The following SESN2 variants were observed in gnomAD, a reference collection of about 807,000 sequenced individuals.
SESN2 encodes sestrin 2, also known as sestrin-2.
Under a neutral mutation model 56.0 loss-of-function variants are expected in SESN2, and 42 were observed. That is an observed-to-expected ratio of 0.75 (90% CI 0.59 to 0.97). The LOEUF (loss-of-function observed/expected upper bound fraction) is 0.97. Ranked by LOEUF, SESN2 falls within the 50% of genes least tolerant of loss-of-function variation. The pLI, the probability that SESN2 is intolerant of heterozygous loss-of-function variation, is 0.00. For missense variants in SESN2, 507 were observed against 649.4 expected (o/e 0.78, Z 2.38); for synonymous variants, 264 against 267.1 (o/e 0.99, Z 0.11).
rs1288007496 is a variant in SESN2 at position 28,281,469 on chromosome 1, TTATCTC to T, written c.*670_*675del. 8 of 151,674 alleles carry T rather than the reference TTATCTC, an allele frequency of 5.3e-5. No homozygotes were observed. The highest frequency in any genetic ancestry group is 1.9e-4 in the East Asian group (1 of 5,160). The allele number at this position is 151,674 out of a possible 1,614,324, so 9.4% of individuals were successfully genotyped here. On this transcript the variant is annotated 3_prime_UTR_variant, in exon 10 of 10. Transcript: ENST00000253063. The stretch of plus-strand genomic sequence containing the variant: ...AGTACATAAAAAAAAAAAAAGCAGA[TTATCTC>T]TAGAGAGTTTGAGCCTTTGCTGGTC...
intron 1 of SESN2, among the ~76,000 whole-genome samples, chr1:28,267,129 C>T (rs1414177326): frequency 1.3e-5 from 2 of 152,236 alleles, no homozygotes; most frequent in South Asian, 2.1e-4. Flanking sequence ...AGTCAGCAAT[C>T]CTTATCTCCT....
chr1:28,262,000 T>C (rs1453691762), intron 1 of SESN2, among the ~76,000 whole-genome samples: 1 of 152,094 alleles, frequency 6.6e-6, no homozygotes, highest in East Asian at 1.9e-4. Flanking sequence ...AGGCTGATCT[T>C]GAACTCCTAA....
chr1:28,271,791 A>G lies in SESN2; in HGVS notation c.274A>G (p.Ser92Gly), dbSNP rs1189397969. The G allele has an allele frequency of 1.9e-6, 3 of 1,614,150 alleles. No individual in the cohort carries two copies. Among genetic ancestry groups the G allele is most frequent in the Non-Finnish European group, 2.5e-6 (3 of 1,180,018 alleles). ...GGGCCTGCACCCTGACTACTTTACC[A>G]GCTTCTGGCGCCTGCACTACCTGCT... is the stretch of plus-strand genomic sequence containing the variant. The part of the protein sequence containing the change: ...VMGLHPDYFT[S>G]FWRLHYLLLH... Residue 92 changes from serine to glycine, a missense_variant, in exon 3 of 10, where the codon AGC (serine) becomes GGC (glycine). Physicochemically the swap from Ser to Gly is moderately conservative, Grantham distance 56. Coordinates refer to ENST00000253063, the MANE Select transcript of SESN2 (RefSeq NM_031459.5).
At chr1:28,278,567 A>T (rs1648127754) in intron 8 of SESN2, among the ~76,000 whole-genome samples, 1 of 152,254 alleles carries the variant, frequency 6.6e-6, no homozygotes, top group Admixed American at 6.5e-5. Flanking sequence ...ACTCCGTCTC[A>T]AAAGAAAAAC....
intron 2 of SESN2, among the ~76,000 whole-genome samples, chr1:28,270,050 C>G (rs893205845): frequency 6.6e-6 from 1 of 152,198 alleles, no homozygotes; most frequent in Admixed American, 6.5e-5. Context: ...CATCAGTGAA[C>G]AAGGACAAAT....
At chr1:28,273,842 C>T (rs577040361) in intron 6 of SESN2, among the ~76,000 whole-genome samples, 198 bp from the exon 7 acceptor site, 9 of 152,286 alleles carry the variant, frequency 5.9e-5, no homozygotes, top group African/African-American at 1.7e-4. Context: ...CCAGGGGCCT[C>T]GCTTCATGGG....
chr1:28,280,005 T>C (rs1648179367), intron 9 of SESN2, among the ~76,000 whole-genome samples: 1 of 151,926 alleles, frequency 6.6e-6, no homozygotes, highest in Non-Finnish European at 1.5e-5. Context: ...ACCACCTGAT[T>C]TTTTAAATTC....
chr1:28,272,179 C>T (rs1227381968), intron 3 of SESN2, 105 bp from the exon 4 acceptor site: 2 of 1,215,388 alleles, frequency 1.6e-6, no homozygotes, highest in Admixed American at 2.1e-5. Context: ...TTTCCTGCCT[C>T]TTGGGGAACA....
intron 8 of SESN2, among the ~76,000 whole-genome samples, chr1:28,275,412 G>T (rs1239772192): frequency 1.3e-5 from 2 of 152,152 alleles, no homozygotes; most frequent in Non-Finnish European, 2.9e-5. Flanking sequence ...CTCAGTAGGG[G>T]ACTTTAAATA....
intron 8 of SESN2, among the ~76,000 whole-genome samples, chr1:28,276,775 C>T (rs1215452747): frequency 6.6e-6 from 1 of 150,592 alleles, no homozygotes; most frequent in Non-Finnish European, 1.5e-5. Context: ...GATGAGATTT[C>T]TCCATGTTGG....
intron 8 of SESN2, 63 bp downstream of exon 8, chr1:28,275,078 G>C (rs1000594634): frequency 1.2e-5 from 14 of 1,201,024 alleles, no homozygotes; most frequent in Admixed American, 5.3e-5. Flanking sequence ...TGGGTTCACA[G>C]TTGTTTCCAT....
chr1:28,275,595 T>TA (rs1167820506), intron 8 of SESN2, among the ~76,000 whole-genome samples: 5 of 148,216 alleles, frequency 3.4e-5, no homozygotes, highest in African/African-American at 1.3e-4. Flanking sequence ...CTACTAAAAA[T>TA]AAAAAAATTA....
intron 6 of SESN2, 71 bp downstream of exon 6, chr1:28,273,579 C>T (rs1647877012): frequency 2.2e-6 from 3 of 1,373,524 alleles, no homozygotes; most frequent in Non-Finnish European, 2.9e-6. Context: ...GGAGGAGCCA[C>T]CTCCTGCATT....
intron 1 of SESN2, among the ~76,000 whole-genome samples, chr1:28,265,869 T>A (rs1305704358): frequency 6.6e-6 from 1 of 152,124 alleles, no homozygotes; most frequent in Non-Finnish European, 1.5e-5. Flanking sequence ...ATCATTTAGA[T>A]AACAGCTCAA....
intron 8 of SESN2, 83 bp downstream of exon 8, chr1:28,275,098 G>T (rs1308147163): frequency 5.7e-6 from 6 of 1,048,084 alleles, no homozygotes; most frequent in Non-Finnish European, 7.9e-6. Flanking sequence ...TTTTCTTTTT[G>T]TTTTTTTCTT....
At chr1:28,271,614 G>A in intron 2 of SESN2, 60 bp from the exon 3 acceptor site, 2 of 1,329,482 alleles carry the variant, frequency 1.5e-6, no homozygotes, top group South Asian at 1.2e-5. Context: ...AGAATACATT[G>A]GTCTCTTTGA....
At chr1:28,270,712 A>C (rs1300731404) in intron 2 of SESN2, among the ~76,000 whole-genome samples, 2 of 152,138 alleles carry the variant, frequency 1.3e-5, no homozygotes, top group African/African-American at 4.8e-5. Context: ...AGCTGGGATT[A>C]CAGGCATGAG....
At chr1:28,268,694 G>T (rs1486918169) in intron 1 of SESN2, among the ~76,000 whole-genome samples, 1 of 151,394 alleles carries the variant, frequency 6.6e-6, no homozygotes, top group Non-Finnish European at 1.5e-5. Context: ...AAGAAGGAAG[G>T]AGAAGGAAGG....
chr1:28,275,024 A>C lies in SESN2; in HGVS notation c.1211+9A>C. 1 of 1,598,600 alleles carries C rather than the reference A, an allele frequency of 6.3e-7. No homozygotes were observed. The highest frequency in any genetic ancestry group is 8.6e-7 in the Non-Finnish European group (1 of 1,168,012). Reference sequence around the variant, plus strand: ...TGCGTCTTTGGCATCAGGTGAGCTCATATCCCTTCATTTGGGGCATGTGTG... The same window carrying C: ...TGCGTCTTTGGCATCAGGTGAGCTCCTATCCCTTCATTTGGGGCATGTGTG... On this transcript the variant is annotated intron_variant, in intron 8 of 9. Transcript: ENST00000253063.
Sources: gnomAD v4.1 joint callset for allele counts (sites outside exome capture counted in the v4.1 genomes callset) on GRCh38, gnomAD v4.1.1 for gene constraint, MANE v1.5 for transcripts, NCBI Gene and HGNC (gene_info 2026-07-23, HGNC 2026-07-21) for gene names.